PAX2: variants seen among roughly 807,000 people sequenced by gnomAD.
The protein encoded by PAX2 is paired box protein Pax-2.
Under a neutral mutation model 41.7 loss-of-function variants are expected in PAX2, and 9 were observed. The ratio of observed to expected loss-of-function variants is 0.22; its 90% CI spans 0.13 to 0.38. PAX2 has a LOEUF of 0.38. Ranked by LOEUF, PAX2 falls within the 10% of genes least tolerant of loss-of-function variation. The pLI, the probability that PAX2 is intolerant of heterozygous loss-of-function variation, is 1.00. For missense variants in PAX2, 418 were observed against 531.6 expected, an observed-to-expected ratio of 0.79 and a Z score of 2.10; for synonymous variants, 221 against 212.7, an observed-to-expected ratio of 1.04 and a Z score of -0.34.
chr10:100,787,676 G>A (rs2133911678), intron 5 of PAX2, among the ~76,000 whole-genome samples: 1 of 152,130 alleles, frequency 6.6e-6, no homozygotes, highest in Admixed American at 6.5e-5. Flanking sequence ...TTAATTCCCT[G>A]ATTATTGAAG....
At chr10:100,823,335 G>A (rs1271409997) in intron 7 of PAX2, among the ~76,000 whole-genome samples, 1 of 152,186 alleles carries the variant, frequency 6.6e-6, no homozygotes, top group Non-Finnish European at 1.5e-5. Context: ...CTGAGCTGTA[G>A]CTCTGTATAG....
intron 7 of PAX2, among the ~76,000 whole-genome samples, chr10:100,821,971 A>T (rs1011991639): frequency 1.1e-4 from 17 of 152,282 alleles, no homozygotes; most frequent in African/African-American, 1.9e-4. Context: ...ATGCCATATT[A>T]TTAATCTCTC....
At position 100,750,074 on chromosome 10, in the gene PAX2, G is replaced by C. The variant is rs1006744080; in HGVS notation, c.212+160G>C. On this transcript the variant is annotated intron_variant, in intron 2 of 9. Transcript: ENST00000355243. This position sits in a 1 kb window ranked among gnomAD's most constrained non-coding sequence, Gnocchi z 4.1. ...GTGCTCCTTTTGGAGAGAGTGTTCA[G>C]ATGGTGGCTGAAGACCCAGGAGCGA... Among the ~76,000 whole-genome samples, 2 of 152,246 alleles carry C rather than the reference G, an allele frequency of 1.3e-5. No individual in the cohort carries two copies. Among genetic ancestry groups the C allele is most frequent in the Non-Finnish European group, 2.9e-5 (2 of 68,046 alleles).
At chr10:100,788,643 G>A (rs1846973275) in intron 5 of PAX2, among the ~76,000 whole-genome samples, 1 of 152,224 alleles carries the variant, frequency 6.6e-6, no homozygotes, top group South Asian at 2.1e-4. Flanking sequence ...CAGGGGGCTG[G>A]CAGAACCAGA....
intron 3 of PAX2, among the ~76,000 whole-genome samples, chr10:100,772,168 GGAGT>G (rs1210684399): frequency 5.9e-5 from 9 of 152,164 alleles, no homozygotes; most frequent in African/African-American, 2.2e-4. Context: ...AGCCCAGGCT[GGAGT>G]GCAATGGCAC....
intron 7 of PAX2, among the ~76,000 whole-genome samples, chr10:100,815,588 G>T (rs1589893741): frequency 6.6e-6 from 1 of 152,296 alleles, no homozygotes; most frequent in East Asian, 1.9e-4. Flanking sequence ...TTTAATTATG[G>T]GGGCATTTCC....
chr10:100,779,655 T>C, intron 4 of PAX2, 72 bp downstream of exon 4: 1 of 1,222,350 alleles, frequency 8.2e-7, no homozygotes, highest in Non-Finnish European at 1.2e-6. Flanking sequence ...GCTCCACCCC[T>C]GGGAACTGCC....
At chr10:100,775,803 T>C (rs1440377426) in intron 3 of PAX2, among the ~76,000 whole-genome samples, 1 of 152,190 alleles carries the variant, frequency 6.6e-6, no homozygotes, top group African/African-American at 2.4e-5. Context: ...TTTCTAGACT[T>C]TTCTTGTAGA....
At position 100,791,345 on chromosome 10, in the gene PAX2, T is replaced by C. The variant is rs887957756; in HGVS notation, c.616+9980T>C. 1.3e-4 allele frequency among the ~76,000 whole-genome samples: 20 copies of C among 152,110 alleles called. No homozygotes were observed. Among genetic ancestry groups the C allele is most frequent in the Admixed American group, 1.1e-3 (17 of 15,270 alleles). Reference sequence around the variant, plus strand: ...TTTTTCAGGAGGACTGGCTAGAGTGTGTGTGCATGTGTATGTGTGTACATG... The same window carrying C: ...TTTTTCAGGAGGACTGGCTAGAGTGCGTGTGCATGTGTATGTGTGTACATG... On this transcript the variant is annotated intron_variant, in intron 5 of 9. Coordinates refer to ENST00000355243, the MANE Select transcript of PAX2 (RefSeq NM_000278.5). This position sits in a 1 kb window ranked among gnomAD's most constrained non-coding sequence, Gnocchi z 4.5.
chr10:100,819,418 A>C (rs1848307902), intron 7 of PAX2, among the ~76,000 whole-genome samples: 1 of 151,874 alleles, frequency 6.6e-6, no homozygotes, highest in Non-Finnish European at 1.5e-5. Flanking sequence ...AAAAATATAA[A>C]AATTAGCCAG....
rs1364161695 is a variant in PAX2, at chr10:100,824,746, C to T, written c.1018C>T (p.Pro340Ser). The part of the protein sequence containing the change: ...YPTSTLAGMV[P>S]GSEFSGNPYS... ...CACCTCCACCCTGGCAGGAATGGTG[C>T]CTGGTAGGTGACAATGCTGCAGCTG... The change falls in exon 8 of 10, where the codon CCT (proline) becomes TCT (serine). Residue 340 changes from proline (P) to serine (S), a missense_variant. By Grantham distance (74) the Pro-to-Ser change is moderately conservative. Transcript: ENST00000355243. The surrounding 1 kb of genome is among the most constrained non-coding windows in gnomAD (Gnocchi z 6.6). 8 of 1,598,704 alleles carry T rather than the reference C, an allele frequency of 5.0e-6. No homozygotes were observed. In the Admixed American group the frequency reaches 1.2e-4, roughly 23 times the overall value.
chr10:100,740,300 C>G (rs907067676), intron 1 of PAX2, among the ~76,000 whole-genome samples: 14 of 151,936 alleles, frequency 9.2e-5, no homozygotes, highest in Admixed American at 9.2e-4. Context: ...GGAATTTAAC[C>G]GATCCTCTAG....
At chr10:100,787,192 A>G (rs1358449662) in intron 5 of PAX2, among the ~76,000 whole-genome samples, 1 of 152,114 alleles carries the variant, frequency 6.6e-6, no homozygotes, top group Non-Finnish European at 1.5e-5. Flanking sequence ...TACTTCCGCC[A>G]TGGGCCACTG....
At position 100,828,229 on chromosome 10, in the gene PAX2, A is replaced by C. The variant is rs1386045267; in HGVS notation, c.*610A>C. The C allele has an allele frequency of 4.3e-6, 1 of 232,836 alleles. No homozygotes were observed. Among genetic ancestry groups the C allele is most frequent in the African/African-American group, 2.2e-5 (1 of 45,236 alleles). 14.4% of individuals were successfully genotyped at this position (232,836 alleles called of 1,614,324 possible). A position where few individuals can be genotyped will look rare whatever the true frequency, so the allele number is the denominator to read the frequency against. ...GCCTTCCGGGTGTGCCCTGTCCCAG[A>C]AGATGGAATGGGGGTGTGGGGGTCC... On this transcript the variant is annotated 3_prime_UTR_variant, in exon 10 of 10. Coordinates refer to ENST00000355243, the MANE Select transcript of PAX2 (RefSeq NM_000278.5). This position sits in a 1 kb window ranked among gnomAD's most constrained non-coding sequence, Gnocchi z 6.5.
chr10:100,743,981 C>T (rs535847792), upstream of PAX2, among the ~76,000 whole-genome samples: 1 of 152,310 alleles, frequency 6.6e-6, no homozygotes, highest in African/African-American at 2.4e-5. Flanking sequence ...AGGGCAAATG[C>T]CAGGATCCCA....
chr10:100,817,236 T>G (rs1848218580), intron 7 of PAX2, among the ~76,000 whole-genome samples: 1 of 152,174 alleles, frequency 6.6e-6, no homozygotes, highest in Non-Finnish European at 1.5e-5. Context: ...AGTTGCCAAC[T>G]GGGAAGAGGA....
intron 5 of PAX2, among the ~76,000 whole-genome samples, chr10:100,788,267 G>A (rs913779081): frequency 6.6e-6 from 1 of 152,202 alleles, no homozygotes. Flanking sequence ...GCCCGCGATC[G>A]CCTCCTTTTG....
upstream of PAX2, among the ~76,000 whole-genome samples, chr10:100,745,218 C>T (rs937027371): frequency 4.2e-4 from 64 of 152,294 alleles, no homozygotes; most frequent in Non-Finnish European, 7.4e-4. Context: ...TTAGACTGAC[C>T]GCTCTTTATC....
intron 6 of PAX2, among the ~76,000 whole-genome samples, chr10:100,807,998 G>C (rs1354577040): frequency 6.6e-6 from 1 of 152,178 alleles, no homozygotes; most frequent in East Asian, 1.9e-4. Context: ...AGCTGGCCGA[G>C]GCGGGCGGCT....
Sources: gnomAD v4.1 joint callset for allele counts (sites outside exome capture counted in the v4.1 genomes callset) on GRCh38, gnomAD v4.1.1 for gene constraint, Gnocchi (gnomAD v3.1) non-coding constraint, MANE v1.5 for transcripts, NCBI Gene and HGNC (gene_info 2026-07-23, HGNC 2026-07-21) for gene names.